Variants in AGBL1 observed in about 807,000 individuals in gnomAD.
AGBL1 encodes cytosolic carboxypeptidase 4.
A neutral mutation model predicts 118.9 loss-of-function variants in AGBL1; 130 were observed. That is an observed-to-expected ratio of 1.09 (90% confidence interval 0.95 to 1.26). AGBL1 has a LOEUF of 1.26. Among genes scored for constraint, AGBL1 ranks in the 50% most tolerant of loss-of-function variants. The probability of loss-of-function intolerance (pLI) is 0.00; values close to 1 mark genes in which losing one functional copy is unlikely to be tolerated. For missense variants in AGBL1, 1,584 were observed against 1,298.1 expected (o/e 1.22, Z -3.38); for synonymous variants, 555 against 478.9 (o/e 1.16, Z -2.08).
chr15:86,889,274 T>G (rs2080016303), intron 22 of AGBL1, among the ~76,000 whole-genome samples: 1 of 147,358 alleles, frequency 6.8e-6, no homozygotes, highest in African/African-American at 2.5e-5. Flanking sequence ...ATAGAAAGTT[T>G]GACCAAAAAT....
chr15:86,129,370 A>G (rs562145931), intron 1 of AGBL1, among the ~76,000 whole-genome samples: 3 of 152,308 alleles, frequency 2.0e-5, no homozygotes, highest in South Asian at 4.1e-4. Flanking sequence ...AAGGTAGGCA[A>G]TTGTCTTGGA....
rs147088107 is a variant in AGBL1, at chr15:86,730,723, G to T, written c.3158+56287G>T. 1.8e-3 allele frequency among the ~76,000 whole-genome samples: 268 copies of T among 152,260 alleles called. 3 individuals carry two copies. In the East Asian group the frequency reaches 0.022, roughly 12 times the overall value. On this transcript the variant is annotated intron_variant, in intron 22 of 22. Transcript: ENST00000614907. ...CTTGGAAAAAAATAAGAATGCATGG[G>T]AATGGACTTTACAAGTGGTAAAGAG...
intron 22 of AGBL1, among the ~76,000 whole-genome samples, chr15:86,786,976 T>A (rs1290561259): frequency 2.0e-5 from 3 of 152,208 alleles, no homozygotes; most frequent in Non-Finnish European, 2.9e-5. Flanking sequence ...TTTACACTCG[T>A]ACCAACAGTG....
At chr15:86,699,786 T>C (rs1005932453) in intron 22 of AGBL1, among the ~76,000 whole-genome samples, 9 of 152,084 alleles carry the variant, frequency 5.9e-5, no homozygotes, top group African/African-American at 2.2e-4. Flanking sequence ...AAGTAGTGTC[T>C]GCCAAGCTTC....
At chr15:86,412,207 G>A (rs558736690) in intron 18 of AGBL1, among the ~76,000 whole-genome samples, 20 of 152,220 alleles carry the variant, frequency 1.3e-4, no homozygotes, top group Admixed American at 7.2e-4. Context: ...CCTAACATCC[G>A]TGGATCACCA....
At chr15:86,605,188 ATTGT>A (rs1439337833) in intron 21 of AGBL1, among the ~76,000 whole-genome samples, 5 of 152,142 alleles carry the variant, frequency 3.3e-5, no homozygotes, top group Non-Finnish European at 7.3e-5. Context: ...AGTAAACAAC[ATTGT>A]TTGAAAGAAA....
chr15:86,356,728 G>C (rs557903685), intron 17 of AGBL1, among the ~76,000 whole-genome samples: 131 of 152,296 alleles, frequency 8.6e-4, no homozygotes, highest in African/African-American at 3.1e-3. Context: ...AAGAGTTAAG[G>C]CTGTCTTTAC....
intron 5 of AGBL1, among the ~76,000 whole-genome samples, chr15:86,194,237 C>G (rs2077765302): frequency 6.6e-6 from 1 of 152,192 alleles, no homozygotes; most frequent in South Asian, 2.1e-4. Context: ...AAAAACCTCT[C>G]TCCTCGTATA....
intron 17 of AGBL1, among the ~76,000 whole-genome samples, chr15:86,385,312 C>G (rs912410911): frequency 2.0e-5 from 3 of 152,116 alleles, no homozygotes; most frequent in Non-Finnish European, 1.5e-5. Flanking sequence ...TAAAATTACT[C>G]GTGCGCCTTG....
intron 24 of AGBL1, among the ~76,000 whole-genome samples, chr15:87,027,149 A>G (rs1486075588): frequency 6.6e-6 from 1 of 151,998 alleles, no homozygotes; most frequent in Non-Finnish European, 1.5e-5. Context: ...AATAAATACA[A>G]AGATATACAT....
chr15:86,429,025 C>T (rs527570085), intron 18 of AGBL1, among the ~76,000 whole-genome samples: 1 of 152,168 alleles, frequency 6.6e-6, no homozygotes, highest in African/African-American at 2.4e-5. Context: ...GAAAATATGG[C>T]TGCTGGTTTC....
At chr15:86,121,201 T>G (rs974262025) in intron 1 of AGBL1, among the ~76,000 whole-genome samples, 3 of 152,210 alleles carry the variant, frequency 2.0e-5, no homozygotes, top group Non-Finnish European at 1.5e-5. Flanking sequence ...CCTGGCCCAC[T>G]TTTATCATTT....
At chr15:86,871,445 T>C (rs925802353) in intron 22 of AGBL1, among the ~76,000 whole-genome samples, 2 of 152,194 alleles carry the variant, frequency 1.3e-5, no homozygotes, top group Non-Finnish European at 2.9e-5. Flanking sequence ...TAGATCTCTA[T>C]AGACTAAACA....
chr15:86,311,431 C>G (rs2079919809), intron 17 of AGBL1, among the ~76,000 whole-genome samples: 1 of 152,148 alleles, frequency 6.6e-6, no homozygotes, highest in South Asian at 2.1e-4. Flanking sequence ...AATAGCATAT[C>G]TGCTATTCTA....
At chr15:86,580,819 A>G (rs996319318) in intron 21 of AGBL1, among the ~76,000 whole-genome samples, 5 of 152,198 alleles carry the variant, frequency 3.3e-5, no homozygotes, top group African/African-American at 1.2e-4. Context: ...CTATCTAGCT[A>G]TAATTTTGGA....
chr15:86,802,013 C>G (rs948468554), intron 22 of AGBL1, among the ~76,000 whole-genome samples: 4 of 152,088 alleles, frequency 2.6e-5, no homozygotes, highest in Non-Finnish European at 5.9e-5. Flanking sequence ...CCTTTGGAGA[C>G]TAAACAGCTC....
intron 3 of AGBL1, among the ~76,000 whole-genome samples, chr15:86,150,921 T>C (rs2077099088): frequency 6.6e-6 from 1 of 151,938 alleles, no homozygotes; most frequent in Admixed American, 6.6e-5. Context: ...ATCTCAATGA[T>C]AGACTGGATT....
At chr15:87,022,090 A>G (rs1567291612) in intron 24 of AGBL1, among the ~76,000 whole-genome samples, 1 of 152,104 alleles carries the variant, frequency 6.6e-6, no homozygotes, top group Non-Finnish European at 1.5e-5. Context: ...TCCATAGGAA[A>G]AGGGGGAGAG....
chr15:86,632,129 G>A (rs1283694576), intron 21 of AGBL1, among the ~76,000 whole-genome samples: 2 of 151,640 alleles, frequency 1.3e-5, no homozygotes, highest in African/African-American at 4.9e-5. Context: ...TTAACCAGGT[G>A]TGGTGGCTCA....
Sources: gnomAD v4.1 joint callset for allele counts (sites outside exome capture counted in the v4.1 genomes callset) on GRCh38, gnomAD v4.1.1 for gene constraint, MANE v1.5 for transcripts, NCBI Gene and HGNC (gene_info 2026-07-23, HGNC 2026-07-21) for gene names.